BCL2L13: variants seen among roughly 807,000 people sequenced by gnomAD.
The protein encoded by BCL2L13 is bcl-2-like protein 13.
BCL2L13 carries 13 observed loss-of-function variants against 25.8 expected under a neutral mutation model. The ratio of observed to expected loss-of-function variants is 0.50; its 90% CI spans 0.33 to 0.80. BCL2L13 has a LOEUF of 0.80. Ranked by LOEUF, BCL2L13 falls within the 30% of genes least tolerant of loss-of-function variation. BCL2L13 has a pLI of 0.02. For synonymous variants in BCL2L13, 244 were observed against 230.3 expected, an observed-to-expected ratio of 1.06 and a Z score of -0.54; for missense variants, 504 against 574.9, an observed-to-expected ratio of 0.88 and a Z score of 1.26.
Position 17,728,130 on chromosome 22 carries a change from G to C in BCL2L13, c.*596G>C, listed in dbSNP as rs867043015. ...TGCACCCACTCTTTTTTTGCCCCCC[G>C]CCCTCATCCTGGAGTGTGAGGGTGC... On this transcript the variant is annotated 3_prime_UTR_variant, in exon 7 of 7. Transcript: ENST00000317582. 5 of 157,124 alleles carry C rather than the reference G, an allele frequency of 3.2e-5. No homozygotes were observed. Among genetic ancestry groups the C allele is most frequent in the African/African-American group, 1.2e-4 (5 of 41,158 alleles). The allele number at this position is 157,124 out of a possible 1,614,324, so 9.7% of individuals were successfully genotyped here.
upstream of BCL2L13, among the ~76,000 whole-genome samples, chr22:17,635,960 T>A (rs1601435978): frequency 2.6e-5 from 4 of 151,052 alleles, no homozygotes; most frequent in South Asian, 8.6e-4. Context: ...CCGTCCCCCT[T>A]GGCCTCCCAA....
intron 5 of BCL2L13, among the ~76,000 whole-genome samples, chr22:17,697,466 T>A (rs1241736582): frequency 1.3e-5 from 2 of 152,136 alleles, no homozygotes; most frequent in African/African-American, 4.8e-5. Flanking sequence ...CAACTTTTAT[T>A]TTAGATTCGG....
At position 17,727,273 on chromosome 22, in the gene BCL2L13, C is replaced by T. The variant is rs1241105233; in HGVS notation, c.1197C>T (p.Val399=). The T allele has an allele frequency of 1.9e-6, 3 of 1,614,098 alleles. No homozygotes were observed. Among genetic ancestry groups the T allele is most frequent in the Non-Finnish European group, 2.5e-6 (3 of 1,180,048 alleles). Residue 399 remains valine, a synonymous_variant, in exon 7 of 7, where the codon GTC becomes GTT. Coordinates refer to ENST00000317582, the MANE Select transcript of BCL2L13 (RefSeq NM_015367.4). ...AACCTACTGAAGTGGAGGAGGTGGT[C>T]CCCGCACTGGAACCCACAGAAACGC... ...TTEPTEVEEV[V]PALEPTETLL...
intron 1 of BCL2L13, among the ~76,000 whole-genome samples, chr22:17,630,622 G>A (rs1487145958): frequency 1.6e-5 from 2 of 124,658 alleles, no homozygotes; most frequent in African/African-American, 6.3e-5. Flanking sequence ...ATGGAGTCTC[G>A]CTCTGTTGCC....
rs762121832 is a variant in BCL2L13, at chr22:17,708,210, G to GA, written c.600+5832dup. On this transcript the variant is annotated intron_variant, in intron 6 of 6. Transcript: ENST00000317582. ...AATGCATGTATCTGTGTGTTTGCTT[G>GA]AAAAAAAACACCAAGTATAACATGT... Among the ~76,000 whole-genome samples the GA allele has an allele frequency of 1.1e-4, 16 of 151,424 alleles. No homozygotes were observed. In the East Asian group the frequency reaches 1.5e-3, roughly 15 times the overall value.
rs377579675 is a variant in BCL2L13, at chr22:17,669,352, T to A, written c.121+13520T>A. On this transcript the variant is annotated intron_variant, in intron 2 of 6. Coordinates refer to ENST00000317582, the MANE Select transcript of BCL2L13 (RefSeq NM_015367.4). ...TGGCCTGGCTCTTGGTTCTTCAGGC[T>A]GTTTAAGAAGCATGGCACTGGCGTC... is the stretch of plus-strand genomic sequence containing the variant. Among the ~76,000 whole-genome samples the A allele has an allele frequency of 3.3e-5, 5 of 152,210 alleles. No homozygotes were observed. In the East Asian group the frequency reaches 9.6e-4, roughly 29 times the overall value.
At chr22:17,638,253 T>TA (rs2058147462), upstream of BCL2L13, 1 of 159,300 alleles carries the variant, frequency 6.3e-6, no homozygotes, top group South Asian at 2.0e-4. Flanking sequence ...CTGGCGCCTC[T>TA]GCTCAGCCAG....
intron 2 of BCL2L13, among the ~76,000 whole-genome samples, chr22:17,656,831 T>A (rs539088999): frequency 5.9e-5 from 9 of 152,230 alleles, no homozygotes. Flanking sequence ...GCTGCCTTAT[T>A]TTTTTGAGAT....
chr22:17,686,475 G>C (rs2059941655), intron 3 of BCL2L13, among the ~76,000 whole-genome samples: 1 of 151,380 alleles, frequency 6.6e-6, no homozygotes. Flanking sequence ...AAATAATCCT[G>C]AAACCTAATG....
intron 1 of BCL2L13, among the ~76,000 whole-genome samples, chr22:17,629,779 T>G (rs2057966189): frequency 6.6e-6 from 1 of 151,818 alleles, no homozygotes; most frequent in African/African-American, 2.4e-5. Context: ...TCAACAATTG[T>G]TAACATTTTG....
chr22:17,659,083 AG>A (rs2058985553), intron 2 of BCL2L13, among the ~76,000 whole-genome samples: 1 of 83,598 alleles, frequency 1.2e-5, no homozygotes, highest in Non-Finnish European at 2.6e-5. Context: ...AAAAAAAAAA[AG>A]GCCAGGCACG....
rs542476608 is a variant in BCL2L13 at position 17,686,517 on chromosome 22, C to CTTT, written c.230-2460_230-2458dup. ...TTGTCTTTTATATTTCTTTTTTTTT[C>CTTT]TTTTTTTTTTTGAGACAGAGTCTCG... On this transcript the variant is annotated intron_variant, in intron 3 of 6. Coordinates refer to ENST00000317582, the MANE Select transcript of BCL2L13 (RefSeq NM_015367.4). Among the ~76,000 whole-genome samples the CTTT allele has an allele frequency of 8.0e-3, 1,118 of 139,974 alleles. 13 individuals carry two copies. Among genetic ancestry groups the CTTT allele is most frequent in the African/African-American group, 0.012 (431 of 37,286 alleles). The allele number at this position is 139,974 out of a possible 152,430, so 91.8% of individuals were successfully genotyped here.
intron 6 of BCL2L13, among the ~76,000 whole-genome samples, chr22:17,719,974 C>T (rs753741914): frequency 7.2e-5 from 11 of 151,966 alleles, no homozygotes; most frequent in Non-Finnish European, 1.3e-4. Flanking sequence ...ATAGGCAATC[C>T]GTAGAGATAG....
At chr22:17,649,238 T>C (rs9605367) in intron 1 of BCL2L13, among the ~76,000 whole-genome samples, 14,097 of 151,718 alleles carry the variant, frequency 0.093, 766 homozygotes, top group Non-Finnish European at 0.11. Context: ...GCTGGTATTA[T>C]AGGCGCACGC....
intron 2 of BCL2L13, among the ~76,000 whole-genome samples, chr22:17,663,606 A>G (rs1291228330): frequency 2.7e-5 from 4 of 148,860 alleles, no homozygotes; most frequent in Non-Finnish European, 6.0e-5. Context: ...AACATTTCAT[A>G]TTTACATGTT....
At chr22:17,697,494 G>A (rs1324058200) in intron 5 of BCL2L13, among the ~76,000 whole-genome samples, 1 of 152,150 alleles carries the variant, frequency 6.6e-6, no homozygotes, top group Non-Finnish European at 1.5e-5. Context: ...GTATGTGCAG[G>A]TTTGTTATAG....
chr22:17,636,609 C>T (rs981747082), upstream of BCL2L13, among the ~76,000 whole-genome samples: 6 of 151,100 alleles, frequency 4.0e-5, no homozygotes, highest in East Asian at 2.0e-4. Context: ...GCCAACATGG[C>T]GAAACCCTAT....
At chr22:17,671,288 G>C (rs930222869) in intron 2 of BCL2L13, among the ~76,000 whole-genome samples, 1 of 151,536 alleles carries the variant, frequency 6.6e-6, no homozygotes, top group Non-Finnish European at 1.5e-5. Flanking sequence ...CAGCTACTGG[G>C]AAGGCCGAGG....
intron 2 of BCL2L13, among the ~76,000 whole-genome samples, chr22:17,678,161 G>A (rs1472417087): frequency 1.3e-5 from 2 of 152,258 alleles, no homozygotes; most frequent in African/African-American, 2.4e-5. Flanking sequence ...TATCTTGGAC[G>A]ATGGGAACAT....
Sources: gnomAD v4.1 joint callset for allele counts (sites outside exome capture counted in the v4.1 genomes callset) on GRCh38, gnomAD v4.1.1 for gene constraint, MANE v1.5 for transcripts, NCBI Gene and HGNC (gene_info 2026-07-23, HGNC 2026-07-21) for gene names.